The following LDLRAD4 variants were observed in gnomAD, a reference collection of about 807,000 sequenced individuals.
LDLRAD4 encodes low-density lipoprotein receptor class A domain-containing protein 4.
In LDLRAD4, 5 loss-of-function variants were observed where a neutral mutation model predicts 17.0. The observed-to-expected ratio is 0.29, with a 90% CI of 0.15 to 0.62. The LOEUF (loss-of-function observed/expected upper bound fraction) is 0.62, where lower values mean the gene tolerates loss of function less well. Among genes scored for constraint, LDLRAD4 ranks in the 20% least tolerant of loss-of-function variants. The pLI is 0.84. For synonymous variants in LDLRAD4, 168 were observed against 171.8 expected (o/e 0.98, Z 0.17); for missense variants, 340 against 424.7 (o/e 0.80, Z 1.75).
At chr18:13,254,373 G>T (rs2043388929) in intron 1 of LDLRAD4, among the ~76,000 whole-genome samples, 1 of 152,202 alleles carries the variant, frequency 6.6e-6, no homozygotes, top group South Asian at 2.1e-4. Flanking sequence ...AGCAGTGACA[G>T]GGTCTGTTTG....
intron 3 of LDLRAD4, among the ~76,000 whole-genome samples, chr18:13,469,843 G>A (rs2092720053): frequency 6.6e-6 from 1 of 152,208 alleles, no homozygotes; most frequent in African/African-American, 2.4e-5. Flanking sequence ...CCACTGAATT[G>A]TGTCTCAGTT....
At chr18:13,397,541 G>A (rs1025537649) in intron 2 of LDLRAD4, among the ~76,000 whole-genome samples, 1 of 152,184 alleles carries the variant, frequency 6.6e-6, no homozygotes, top group African/African-American at 2.4e-5. Flanking sequence ...CACTGGGATT[G>A]CAGGCATGAG....
chr18:13,619,482 GTT>G (rs1472497440), intron 3 of LDLRAD4, among the ~76,000 whole-genome samples: 4 of 41,882 alleles, frequency 9.6e-5, no homozygotes, highest in African/African-American at 2.4e-4. Context: ...CCTGGGGAGC[GTT>G]TTTGTGTGTG....
chr18:13,412,538 A>G (rs11875916), intron 2 of LDLRAD4, among the ~76,000 whole-genome samples: 127,418 of 152,142 alleles, frequency 0.84, 55,672 homozygotes, highest in Non-Finnish European at 0.97. Context: ...GATATTGATC[A>G]AGTGCCTATT....
At chr18:13,551,004 C>T (rs1316148365) in intron 3 of LDLRAD4, among the ~76,000 whole-genome samples, 1 of 152,204 alleles carries the variant, frequency 6.6e-6, no homozygotes, top group East Asian at 1.9e-4. Context: ...AGGGGCTTGA[C>T]CTCTGCCTCT....
At chr18:13,399,077 G>A (rs752907739) in intron 2 of LDLRAD4, among the ~76,000 whole-genome samples, 16 of 152,200 alleles carry the variant, frequency 1.1e-4, no homozygotes, top group Non-Finnish European at 2.2e-4. Context: ...CACCAGATGT[G>A]GTGGTGTGTG....
intron 3 of LDLRAD4, among the ~76,000 whole-genome samples, chr18:13,509,597 G>T (rs973118930): frequency 3.3e-5 from 5 of 152,198 alleles, no homozygotes; most frequent in Non-Finnish European, 7.3e-5. Flanking sequence ...TTGTTGAAAT[G>T]ACAACAAAGG....
At chr18:13,388,033 C>T (rs961101273) in intron 2 of LDLRAD4, among the ~76,000 whole-genome samples, 3 of 152,224 alleles carry the variant, frequency 2.0e-5, no homozygotes, top group African/African-American at 7.2e-5. Context: ...GTATTCGCAG[C>T]GTCTTCCAAG....
At chr18:13,644,083 A>G (rs1023927849) in intron 5 of LDLRAD4, among the ~76,000 whole-genome samples, 3 of 152,230 alleles carry the variant, frequency 2.0e-5, no homozygotes, top group African/African-American at 7.2e-5. Flanking sequence ...GTGACTAAAA[A>G]TAACTACAGG....
chr18:13,645,739 T>TC lies in LDLRAD4; in HGVS notation c.*83dup. On this transcript the variant is annotated 3_prime_UTR_variant, in exon 6 of 6. Coordinates refer to ENST00000359446, the Ensembl canonical transcript of LDLRAD4. The surrounding 1 kb of genome is among the most constrained non-coding windows in gnomAD (Gnocchi z 5.7). ...GGGCCCCTCCTGCGCACAGTGTTGT[T>TC]CAGTTTCACATGGTACAAATAAGTA... The TC allele has an allele frequency of 1.8e-6, 2 of 1,113,554 alleles. No individual in the cohort carries two copies. Among genetic ancestry groups the TC allele is most frequent in the South Asian group, 1.9e-5 (1 of 52,952 alleles). 69.0% of individuals were successfully genotyped at this position (1,113,554 alleles called of 1,614,324 possible).
At chr18:13,246,414 A>G (rs2042958597) in intron 1 of LDLRAD4, among the ~76,000 whole-genome samples, 3 of 152,226 alleles carry the variant, frequency 2.0e-5, no homozygotes, top group South Asian at 2.1e-4. Flanking sequence ...ACCACGTGCC[A>G]CTTGTCTAAA....
At chr18:13,469,366 A>C (rs186825559) in intron 3 of LDLRAD4, among the ~76,000 whole-genome samples, 108 of 152,382 alleles carry the variant, frequency 7.1e-4, no homozygotes, top group Middle Eastern at 3.4e-3. Context: ...CATATGATGC[A>C]ACAATTCCAC....
At chr18:13,341,997 A>G (rs867586327) in intron 1 of LDLRAD4, among the ~76,000 whole-genome samples, 7 of 152,162 alleles carry the variant, frequency 4.6e-5, no homozygotes, top group Middle Eastern at 3.4e-3. Context: ...AGATGATCAT[A>G]TGGTGTTTGT....
chr18:13,358,142 A>C (rs2083452794), intron 1 of LDLRAD4, among the ~76,000 whole-genome samples: 1 of 152,112 alleles, frequency 6.6e-6, no homozygotes, highest in South Asian at 2.1e-4. Context: ...AAGAAGCTCT[A>C]GTTTTTTATA....
Position 13,452,891 on chromosome 18 carries a change from C to T in LDLRAD4, c.181+14507C>T, listed in dbSNP as rs1045672864. Among the ~76,000 whole-genome samples, 4 of 152,086 alleles carry T rather than the reference C, an allele frequency of 2.6e-5. No individual in the cohort carries two copies. The East Asian group carries it at 5.8e-4, about 22-fold the overall frequency. ...CCTCAGCCTGAGGGGTGACCCCCAGCGAGAACCTCCAGGAAGGCCAGAGGC... is the reference window on the plus strand; with the variant it reads ...CCTCAGCCTGAGGGGTGACCCCCAGTGAGAACCTCCAGGAAGGCCAGAGGC... On this transcript the variant is annotated intron_variant, in intron 3 of 5. Coordinates refer to ENST00000359446, the Ensembl canonical transcript of LDLRAD4.
intron 3 of LDLRAD4, among the ~76,000 whole-genome samples, chr18:13,567,060 C>A (rs1354518490): frequency 6.6e-6 from 1 of 152,226 alleles, no homozygotes; most frequent in Non-Finnish European, 1.5e-5. Context: ...AGGGGGGAAG[C>A]AGCCCTGCCA....
intron 3 of LDLRAD4, among the ~76,000 whole-genome samples, chr18:13,573,375 G>A (rs1352380113): frequency 6.6e-6 from 1 of 151,188 alleles, no homozygotes; most frequent in Non-Finnish European, 1.5e-5. Context: ...AAAGTGCTGG[G>A]ATTACAGGTA....
intron 1 of LDLRAD4, among the ~76,000 whole-genome samples, chr18:13,319,625 A>T (rs574481370): frequency 2.6e-5 from 4 of 152,224 alleles, no homozygotes; most frequent in Non-Finnish European, 4.4e-5. Flanking sequence ...ACGACCAGGG[A>T]TACTGGCTTT....
chr18:13,564,649 G>A (rs769539132), intron 3 of LDLRAD4, among the ~76,000 whole-genome samples: 16 of 150,576 alleles, frequency 1.1e-4, no homozygotes, highest in Non-Finnish European at 2.1e-4. Context: ...GAGTCGTGGC[G>A]AGTGCGGCAG....
Sources: gnomAD v4.1 joint callset for allele counts (sites outside exome capture counted in the v4.1 genomes callset) on GRCh38, gnomAD v4.1.1 for gene constraint, Gnocchi (gnomAD v3.1) non-coding constraint, MANE v1.5 for transcripts, NCBI Gene and HGNC (gene_info 2026-07-23, HGNC 2026-07-21) for gene names.